The following PCNT variants were observed in gnomAD, a reference collection of about 807,000 sequenced individuals.
PCNT encodes pericentrin, also known as kendrin.
PCNT carries 319 observed loss-of-function variants against 380.4 expected under a neutral mutation model. The observed-to-expected ratio is 0.84, with a 90% CI of 0.77 to 0.92. The LOEUF is 0.92. Among genes scored for constraint, PCNT ranks in the 40% least tolerant of loss-of-function variants. PCNT has a pLI of 0.00. For synonymous variants in PCNT, 1,845 were observed against 1,735.2 expected (o/e 1.06, Z -1.57); for missense variants, 4,400 against 4,255.3 (o/e 1.03, Z -0.95).
intron 38 of PCNT, among the ~76,000 whole-genome samples, chr21:46,435,623 A>C (rs2053416434): frequency 6.6e-6 from 1 of 151,738 alleles, no homozygotes; most frequent in South Asian, 2.1e-4. Flanking sequence ...GCTCACTGCA[A>C]GCTCTGCCTC....
rs915179208 is a variant in PCNT, at chr21:46,367,003, C to T, written c.3029C>T (p.Thr1010Met). The change falls in exon 15 of 47, where the codon ACG becomes ATG. Residue 1010 changes from threonine (T) to methionine (M), a missense_variant. By Grantham distance (81) the Thr-to-Met change is moderately conservative. Transcript: ENST00000359568. The stretch of plus-strand genomic sequence containing the variant: ...TGGAAAAAGGACTCTCTTCACCAAA[C>T]GATTTTGACTCAAGAGTTGGAGAAA... ...QLWKKDSLHQ[T>M]ILTQELEKLK... The T allele has an allele frequency of 1.2e-5, 20 of 1,614,058 alleles. No individual in the cohort carries two copies. Among genetic ancestry groups the T allele is most frequent in the Middle Eastern group, 1.6e-4 (1 of 6,084 alleles).
At chr21:46,392,686 G>T (rs1346226482) in intron 21 of PCNT, among the ~76,000 whole-genome samples, 1 of 152,190 alleles carries the variant, frequency 6.6e-6, no homozygotes, top group South Asian at 2.1e-4. Context: ...TAATTCTTTG[G>T]CCCAGGGGGC....
chr21:46,404,974 C>T (rs1451808895), intron 27 of PCNT, among the ~76,000 whole-genome samples: 1 of 152,282 alleles, frequency 6.6e-6, no homozygotes, highest in East Asian at 1.9e-4. Context: ...CAGTGGCTCT[C>T]ACACCTGTAA....
At chr21:46,331,460 T>C (rs959822663) in intron 2 of PCNT, among the ~76,000 whole-genome samples, 1 of 152,208 alleles carries the variant, frequency 6.6e-6, no homozygotes, top group African/African-American at 2.4e-5. Context: ...GTTAAGTGCA[T>C]GATGGAAAAA....
In PCNT at chr21:46,431,966, G is replaced by GA; in HGVS notation, c.8503dup (p.Arg2835LysfsTer93). On this transcript the variant is annotated frameshift_variant, in exon 38 of 47. Transcript: ENST00000359568. LOFTEE classifies it high-confidence loss of function. ...CTCAGAAGCACTGTGAGGCGCTCAGGAGAGAGAAGGAGGTAAGTGCCACAC... is the reference window on the plus strand; with the variant it reads ...CTCAGAAGCACTGTGAGGCGCTCAGGAAGAGAGAAGGAGGTAAGTGCCACAC... 6.2e-7 allele frequency: 1 copy of GA among 1,614,008 alleles called. No homozygotes were observed. The highest frequency in any genetic ancestry group is 8.5e-7 in the Non-Finnish European group (1 of 1,180,038).
At chr21:46,381,563 TG>T in intron 15 of PCNT, 130 bp from the exon 16 acceptor site, 1 of 818,188 alleles carries the variant, frequency 1.2e-6, no homozygotes, top group Non-Finnish European at 2.1e-6. Flanking sequence ...GGCTGTGGTC[TG>T]GCTCATCCCG....
rs1266152010 is a variant in PCNT, at chr21:46,432,006, GA to G, written c.8544del (p.Ala2849ProfsTer9). ...AAGTGCCACACTGAAGTCGACGGTGGAAGCCCTGCACACCCAAAAACGAGAG... is the reference window on the plus strand; with the variant it reads ...AAGTGCCACACTGAAGTCGACGGTGGAGCCCTGCACACCCAAAAACGAGAG... ...EVSATLKSTV[E>X]ALHTQKRELR... On this transcript the variant is annotated frameshift_variant, in exon 38 of 47. Transcript: ENST00000359568. LOFTEE classifies it high-confidence loss of function. The G allele has an allele frequency of 3.7e-6, 6 of 1,613,916 alleles. No individual in the cohort carries two copies. In the Admixed American group the frequency reaches 1.0e-4, roughly 27 times the overall value.
At chr21:46,399,278 T>TCC (rs10645542) in intron 24 of PCNT, among the ~76,000 whole-genome samples, 4,515 of 30,242 alleles carry the variant, frequency 0.15, 173 homozygotes, top group Middle Eastern at 0.24. Context: ...GGTCTGGGTC[T>TCC]CTGTTCAGCC....
At position 46,334,427 on chromosome 21, in the gene PCNT, G is replaced by T. The variant is rs767858824; in HGVS notation, c.298G>T (p.Asp100Tyr). Residue 100 changes from aspartate to tyrosine, a missense_variant, in exon 3 of 47, where the codon GAC becomes TAC. Asp to Tyr is a radical substitution (Grantham distance 160). Transcript: ENST00000359568. ...PEDCDGEKRE[D>Y]LEQLQQKQVN... ...GGACTGTGATGGAGAGAAGAGAGAG[G>T]ACTTGGAACAGCTGCAGCAGAAGCA... 5.0e-6 allele frequency: 8 copies of T among 1,614,080 alleles called. No individual in the cohort carries two copies. Among genetic ancestry groups the T allele is most frequent in the Non-Finnish European group, 6.8e-6 (8 of 1,180,044 alleles).
At chr21:46,328,482 A>G (rs1229460994) in intron 2 of PCNT, among the ~76,000 whole-genome samples, 2 of 151,978 alleles carry the variant, frequency 1.3e-5, no homozygotes, top group Non-Finnish European at 2.9e-5. Flanking sequence ...TTTTTTTGAA[A>G]TGGAGTCTCA....
intron 21 of PCNT, among the ~76,000 whole-genome samples, chr21:46,394,072 T>C (rs928747197): frequency 1.3e-5 from 2 of 152,220 alleles, no homozygotes; most frequent in Non-Finnish European, 2.9e-5. Context: ...AACCCTGCCC[T>C]AGTTTCTCAC....
chr21:46,384,680 G>T (rs2085759261), intron 16 of PCNT, among the ~76,000 whole-genome samples: 1 of 151,206 alleles, frequency 6.6e-6, no homozygotes, highest in Non-Finnish European at 1.5e-5. Flanking sequence ...TAGTTCAGTG[G>T]CAGAAGCGCA....
At chr21:46,435,696 C>T (rs2053418711) in intron 38 of PCNT, among the ~76,000 whole-genome samples, 1 of 152,096 alleles carries the variant, frequency 6.6e-6, no homozygotes, top group Middle Eastern at 3.2e-3. Context: ...GCGCCCGCCA[C>T]CACGCCCGGC....
rs559392235 is a variant in PCNT, at chr21:46,349,280, C to T, written c.1207+94C>T. On this transcript the variant is annotated intron_variant, in intron 7 of 46. Coordinates refer to ENST00000359568, the MANE Select transcript of PCNT (RefSeq NM_006031.6). ...GTTCATGTCACCATGCGTCATTGCGCACGTTTCCTACCTTCTAAATGCTGG... is the reference window on the plus strand; with the variant it reads ...GTTCATGTCACCATGCGTCATTGCGTACGTTTCCTACCTTCTAAATGCTGG... 6 of 1,053,476 alleles carry T rather than the reference C, an allele frequency of 5.7e-6. No individual in the cohort carries two copies. In the African/African-American group the frequency reaches 7.8e-5, roughly 14 times the overall value. 65.3% of individuals were successfully genotyped at this position (1,053,476 alleles called of 1,614,324 possible).
chr21:46,353,560 TTGG>T (rs2084353625), intron 10 of PCNT, among the ~76,000 whole-genome samples: 1 of 151,860 alleles, frequency 6.6e-6, no homozygotes, highest in South Asian at 2.1e-4. Context: ...CGTGCACATG[TTGG>T]TGGTGGACAC....
At position 46,426,076 on chromosome 21, in the gene PCNT, T is replaced by TTTC; in HGVS notation, c.7320+107_7320+108insCTT. On this transcript the variant is annotated intron_variant, in intron 33 of 46. Coordinates refer to ENST00000359568, the MANE Select transcript of PCNT (RefSeq NM_006031.6). ...GGACACTAGGATTTCTTTCTTTTTT[T>TTTC]TTTTTTTTTTTTTTTTTTTTGAGAC... The TTTC allele has an allele frequency of 7.1e-6, 6 of 841,714 alleles. No individual in the cohort carries two copies. In the East Asian group the frequency reaches 1.0e-4, roughly 14 times the overall value. The allele number at this position is 841,714 out of a possible 1,614,324, so 52.1% of individuals were successfully genotyped here. A position where few individuals can be genotyped will look rare whatever the true frequency, so the allele number is the denominator to read the frequency against.
rs1053546013 is a variant in PCNT at position 46,354,214 on chromosome 21, C to T, written c.1761+146C>T. On this transcript the variant is annotated intron_variant, in intron 11 of 46. Transcript: ENST00000359568. ...GCTTGCGGATGCTGCCCCGACCTCA[C>T]TGCTGCTCCGCGGTGGGCCTCACCA... is the stretch of plus-strand genomic sequence containing the variant. 6.5e-6 allele frequency: 5 copies of T among 764,494 alleles called. No homozygotes were observed. The African/African-American group carries it at 6.9e-5, about 11-fold the overall frequency. 47.4% of individuals were successfully genotyped at this position (764,494 alleles called of 1,614,324 possible).
Position 46,416,845 on chromosome 21 carries a change from T to C in PCNT, c.6921+6T>C. ...ATGTGCAGAGGACGGCTGTGGTAGG[T>C]GCCTGCTCTGCTCCCAGGCCTGCTG... On this transcript the variant is annotated splice_donor_region_variant and intron_variant, in intron 30 of 46. Coordinates refer to ENST00000359568, the MANE Select transcript of PCNT (RefSeq NM_006031.6). 2 of 1,596,992 alleles carry C rather than the reference T, an allele frequency of 1.3e-6. No individual in the cohort carries two copies. Among genetic ancestry groups the C allele is most frequent in the Non-Finnish European group, 1.7e-6 (2 of 1,179,598 alleles).
At chr21:46,365,279 AGGGTTCTATTCACTGCCATG>A (rs879647637) in intron 14 of PCNT, among the ~76,000 whole-genome samples, 189 of 109,778 alleles carry the variant, frequency 1.7e-3, no homozygotes, top group South Asian at 1.9e-3. Flanking sequence ...TCACTCCCAT[AGGGTTCTATTCACTGCCATG>A]GGGTTCTATT....
Sources: gnomAD v4.1 joint callset for allele counts (sites outside exome capture counted in the v4.1 genomes callset) on GRCh38, gnomAD v4.1.1 for gene constraint, MANE v1.5 for transcripts, NCBI Gene and HGNC (gene_info 2026-07-23, HGNC 2026-07-21) for gene names.